PRKN: variants seen among roughly 807,000 people sequenced by gnomAD.
The protein encoded by PRKN is E3 ubiquitin-protein ligase parkin.
A neutral mutation model predicts 59.5 loss-of-function variants in PRKN; 56 were observed. The ratio of observed to expected loss-of-function variants is 0.94; its 90% confidence interval spans 0.76 to 1.18. The LOEUF (loss-of-function observed/expected upper bound fraction) is 1.18. PRKN is among the 50% of genes most tolerant of loss of function. The pLI is 0.00. For missense variants in PRKN, 657 were observed against 596.4 expected, an observed-to-expected ratio of 1.10 and a Z score of -1.06; for synonymous variants, 250 against 222.1, an observed-to-expected ratio of 1.13 and a Z score of -1.12.
intron 7 of PRKN, among the ~76,000 whole-genome samples, chr6:161,680,297 T>A (rs1428118043): frequency 1.3e-5 from 2 of 152,150 alleles, no homozygotes; most frequent in African/African-American, 4.8e-5. Context: ...ACAATTCTAT[T>A]TTCCAATTGC....
At chr6:162,682,402 C>T (rs1009874778) in intron 1 of PRKN, among the ~76,000 whole-genome samples, 1 of 152,088 alleles carries the variant, frequency 6.6e-6, no homozygotes, top group Non-Finnish European at 1.5e-5. Flanking sequence ...GTGGCACATA[C>T]TATGGAATAT....
At position 162,399,954 on chromosome 6, in the gene PRKN, G is replaced by A. The variant is rs151031528; in HGVS notation, c.171+43356C>T. The stretch of plus-strand genomic sequence containing the variant: ...GGCACAGTGGCTCACGCTTGTAATT[G>A]CGGCACTTTGGGAGGCCAAAGTGGG... On this transcript the variant is annotated intron_variant, in intron 2 of 11. Transcript: ENST00000366898. Among the ~76,000 whole-genome samples, 204 of 152,254 alleles carry A rather than the reference G, an allele frequency of 1.3e-3. 1 individual carries two copies. The highest frequency in any genetic ancestry group is 4.6e-3 in the African/African-American group (193 of 41,552).
At chr6:161,569,233 C>T (rs1780774701) in intron 8 of PRKN, 122 bp downstream of exon 8, 5 of 823,968 alleles carry the variant, frequency 6.1e-6, no homozygotes, top group Non-Finnish European at 1.1e-5. Context: ...GCATGGTTTT[C>T]TTCCCCATTT....
In PRKN at chr6:162,176,165, G is replaced by T. The variant is rs150197947; in HGVS notation, c.534+24966C>A. ...GTCCTATAAAAGTATCAGCAGAGGG[G>T]CCTATTAAGATTTGGAGAGGGGTGG... On this transcript the variant is annotated intron_variant, in intron 4 of 11. Coordinates refer to ENST00000366898, the MANE Select transcript of PRKN (RefSeq NM_004562.3). Among the ~76,000 whole-genome samples, 756 of 152,230 alleles carry T rather than the reference G, an allele frequency of 5.0e-3. 13 individuals are homozygous for T. The highest frequency in any genetic ancestry group is 5.6e-3 in the Non-Finnish European group (381 of 68,022).
intron 5 of PRKN, among the ~76,000 whole-genome samples, chr6:161,994,682 G>GA (rs1014739520): frequency 1.3e-4 from 19 of 148,210 alleles, no homozygotes; most frequent in South Asian, 1.1e-3. Context: ...CAAACTAATT[G>GA]AAAAAAAAAT....
chr6:161,440,987 AAG>A lies in PRKN; in HGVS notation c.1084-54112_1084-54111del, dbSNP rs750195006. Among the ~76,000 whole-genome samples the A allele has an allele frequency of 3.3e-5, 5 of 152,210 alleles. No homozygotes were observed. The highest frequency in any genetic ancestry group is 7.3e-5 in the Non-Finnish European group (5 of 68,038). On this transcript the variant is annotated intron_variant, in intron 9 of 11. Coordinates refer to ENST00000366898, the MANE Select transcript of PRKN (RefSeq NM_004562.3). The surrounding 1 kb of genome is among the most constrained non-coding windows in gnomAD (Gnocchi z 4.1). The stretch of plus-strand genomic sequence containing the variant: ...TTGTTCTTGCAAAATCTCATTGGTA[AAG>A]AGAGAGAGGATTTTCCTAACAAAAA...
chr6:161,895,821 G>A (rs1369861592), intron 6 of PRKN, among the ~76,000 whole-genome samples: 1 of 152,216 alleles, frequency 6.6e-6, no homozygotes, highest in Non-Finnish European at 1.5e-5. Flanking sequence ...ATGGACACAT[G>A]AATGAATGGA....
At chr6:161,536,789 A>G (rs1779430605) in intron 9 of PRKN, among the ~76,000 whole-genome samples, 1 of 152,230 alleles carries the variant, frequency 6.6e-6, no homozygotes, top group Non-Finnish European at 1.5e-5. Context: ...TTACAAGGGA[A>G]GTTCTGTGCT....
At chr6:162,472,108 GA>G (rs1791776670) in intron 1 of PRKN, among the ~76,000 whole-genome samples, 1 of 152,158 alleles carries the variant, frequency 6.6e-6, no homozygotes, top group South Asian at 2.1e-4. Context: ...AAAACTCTAG[GA>G]AGATACACTT....
chr6:162,548,499 T>C (rs1196914281), intron 1 of PRKN, among the ~76,000 whole-genome samples: 1 of 151,996 alleles, frequency 6.6e-6, no homozygotes, highest in Non-Finnish European at 1.5e-5. Flanking sequence ...GGAATTCTCC[T>C]AATTAAGCAC....
At chr6:162,226,525 G>T (rs532176490) in intron 3 of PRKN, among the ~76,000 whole-genome samples, 3 of 152,104 alleles carry the variant, frequency 2.0e-5, no homozygotes, top group East Asian at 1.9e-4. Flanking sequence ...GGAACACCAA[G>T]AATTTTGTTT....
At chr6:162,119,534 C>A (rs1482667798) in intron 4 of PRKN, among the ~76,000 whole-genome samples, 1 of 152,176 alleles carries the variant, frequency 6.6e-6, no homozygotes, top group Admixed American at 6.5e-5. Context: ...GGCAAGGGAA[C>A]TTCCTTATTC....
intron 4 of PRKN, among the ~76,000 whole-genome samples, chr6:162,149,319 A>G (rs1429253211): frequency 1.3e-5 from 2 of 152,068 alleles, no homozygotes; most frequent in Non-Finnish European, 2.9e-5. Context: ...ATCTCTGCTC[A>G]TTGCAATCTC....
rs1195931245 is a variant in PRKN at position 162,582,613 on chromosome 6, CA to C, written c.8-139141del. On this transcript the variant is annotated intron_variant, in intron 1 of 11. Coordinates refer to ENST00000366898, the MANE Select transcript of PRKN (RefSeq NM_004562.3). The stretch of plus-strand genomic sequence containing the variant: ...TTATTCCTCTTAAAACCCAAGTTAC[CA>C]AGCTCTTAAACTCAGCTCTCTTTGC... Among the ~76,000 whole-genome samples the C allele has an allele frequency of 2.6e-5, 4 of 152,114 alleles. No individual in the cohort carries two copies. In the East Asian group the frequency reaches 7.7e-4, roughly 29 times the overall value.
intron 7 of PRKN, among the ~76,000 whole-genome samples, chr6:161,748,379 A>T (rs1470756600): frequency 1.3e-5 from 2 of 151,720 alleles, no homozygotes; most frequent in Admixed American, 1.3e-4. Context: ...TGTACCACAA[A>T]TGTGTACCTA....
chr6:162,380,412 T>C (rs12194876), intron 2 of PRKN, among the ~76,000 whole-genome samples: 98 of 99,842 alleles, frequency 9.8e-4, no homozygotes, highest in South Asian at 1.9e-3. Context: ...TATATATATA[T>C]ACACACATAT....
intron 7 of PRKN, among the ~76,000 whole-genome samples, chr6:161,710,451 G>A (rs905318578): frequency 6.6e-6 from 1 of 152,200 alleles, no homozygotes; most frequent in African/African-American, 2.4e-5. Flanking sequence ...AGGAGTATCT[G>A]TTGTATGTTT....
rs1378501005 is a variant in PRKN, at chr6:161,352,753, G to GTATATATATATATA, written c.1286-2543_1286-2542insTATATATATATATA. ...TGTGTGTGTGTGTGTGTGTGTGTGT[G>GTATATATATATATA]TGTATATATATATATATATTTTATT... On this transcript the variant is annotated intron_variant, in intron 11 of 11. Coordinates refer to ENST00000366898, the MANE Select transcript of PRKN (RefSeq NM_004562.3). This position sits in a 1 kb window ranked among gnomAD's most constrained non-coding sequence, Gnocchi z 5.8. Among the ~76,000 whole-genome samples, 7 of 118,126 alleles carry GTATATATATATATA rather than the reference G, an allele frequency of 5.9e-5. No individual in the cohort carries two copies. The highest frequency in any genetic ancestry group is 1.9e-4 in the African/African-American group (5 of 26,678). 77.5% of individuals were successfully genotyped at this position (118,126 alleles called of 152,430 possible). A position where few individuals can be genotyped will look rare whatever the true frequency, so the allele number is the denominator to read the frequency against.
At chr6:161,817,938 G>T (rs2128215338) in intron 6 of PRKN, among the ~76,000 whole-genome samples, 1 of 152,326 alleles carries the variant, frequency 6.6e-6, no homozygotes, top group African/African-American at 2.4e-5. Context: ...AGAGCCTGAA[G>T]ATGTGAAGCT....
Sources: allele counts gnomAD v4.1 joint callset (sites outside exome capture counted in the v4.1 genomes callset), GRCh38; gene constraint gnomAD v4.1.1; non-coding constraint Gnocchi (gnomAD v3.1); transcripts MANE v1.5; gene names NCBI Gene and HGNC (gene_info 2026-07-23, HGNC 2026-07-21).